DENND1B: variants seen among roughly 807,000 people sequenced by gnomAD.
DENND1B encodes the protein DENN domain-containing protein 1B.
Under a neutral mutation model 90.1 loss-of-function variants are expected in DENND1B, and 59 were observed. The ratio of observed to expected loss-of-function variants is 0.65; its 90% confidence interval spans 0.53 to 0.81. The LOEUF (loss-of-function observed/expected upper bound fraction) is 0.81, where lower values mean the gene tolerates loss of function less well. Among genes scored for constraint, DENND1B ranks in the 40% least tolerant of loss-of-function variants. DENND1B has a pLI of 0.00. For missense variants in DENND1B, 862 were observed against 912.6 expected (o/e 0.94, Z 0.71); for synonymous variants, 337 against 324.6 (o/e 1.04, Z -0.41).
chr1:197,740,913 T>G (rs1413898752), intron 2 of DENND1B, among the ~76,000 whole-genome samples: 2 of 152,208 alleles, frequency 1.3e-5, no homozygotes, highest in Non-Finnish European at 2.9e-5. Flanking sequence ...TCCAAATTTC[T>G]GTCCTACAAT....
chr1:197,624,462 A>C (rs1475779365), intron 10 of DENND1B, among the ~76,000 whole-genome samples: 1 of 151,664 alleles, frequency 6.6e-6, no homozygotes, highest in Non-Finnish European at 1.5e-5. Flanking sequence ...CAAAACTATA[A>C]AACTCCTAGA....
In DENND1B at chr1:197,651,434, T is replaced by A. The variant is rs1653156561; in HGVS notation, c.447+801A>T. On this transcript the variant is annotated intron_variant, in intron 7 of 22. Coordinates refer to ENST00000620048, the MANE Select transcript of DENND1B (RefSeq NM_001195215.2). ...TGTTGTCTGACAAACAAAAATTCAATCATATTTCCAGTATTTTGTGATTAT... is the reference window on the plus strand; with the variant it reads ...TGTTGTCTGACAAACAAAAATTCAAACATATTTCCAGTATTTTGTGATTAT... Among the ~76,000 whole-genome samples the A allele has an allele frequency of 2.6e-5, 4 of 152,114 alleles. No individual in the cohort carries two copies. The South Asian group carries it at 6.2e-4, about 24-fold the overall frequency.
chr1:197,721,854 A>G (rs931138934), intron 2 of DENND1B, among the ~76,000 whole-genome samples: 1 of 152,168 alleles, frequency 6.6e-6, no homozygotes, highest in Admixed American at 6.5e-5. Context: ...CCATATCCCA[A>G]TGAAAGAATT....
chr1:197,688,594 T>C (rs570340898), intron 3 of DENND1B, among the ~76,000 whole-genome samples: 154 of 152,086 alleles, frequency 1.0e-3, no homozygotes, highest in Non-Finnish European at 1.5e-3. Flanking sequence ...CAACAAACAC[T>C]TGGGAAAACT....
intron 10 of DENND1B, 126 bp from the exon 11 acceptor site, chr1:197,617,885 T>C (rs1677803961): frequency 1.5e-6 from 1 of 672,580 alleles, no homozygotes; most frequent in Non-Finnish European, 2.6e-6. Flanking sequence ...AATCACATTG[T>C]CTTTATCACT....
intron 3 of DENND1B, among the ~76,000 whole-genome samples, chr1:197,675,675 T>C (rs1287980935): frequency 6.6e-6 from 1 of 152,152 alleles, no homozygotes; most frequent in African/African-American, 2.4e-5. Context: ...ATTTGACCAT[T>C]GCTTAATCCT....
intron 2 of DENND1B, among the ~76,000 whole-genome samples, chr1:197,722,207 T>A (rs571498408): frequency 3.4e-4 from 51 of 152,140 alleles, no homozygotes; most frequent in Non-Finnish European, 6.2e-4. Context: ...TATTTACTTA[T>A]TTGGTATTTC....
At chr1:197,678,457 T>C (rs554122721) in intron 3 of DENND1B, among the ~76,000 whole-genome samples, 1 of 152,152 alleles carries the variant, frequency 6.6e-6, no homozygotes, top group Non-Finnish European at 1.5e-5. Context: ...TCTGAAAAGA[T>C]GATTACTTAA....
At chr1:197,648,679 T>C (rs1479843440) in intron 7 of DENND1B, among the ~76,000 whole-genome samples, 2 of 152,172 alleles carry the variant, frequency 1.3e-5, no homozygotes, top group African/African-American at 4.8e-5. Context: ...CCTTGGTCTT[T>C]CTATTGTATT....
chr1:197,699,588 G>A (rs115411019), intron 3 of DENND1B, among the ~76,000 whole-genome samples: 2 of 152,122 alleles, frequency 1.3e-5, no homozygotes, highest in Non-Finnish European at 2.9e-5. Context: ...GAAATAAAGG[G>A]AACTCAAATA....
chr1:197,565,882 T>C (rs1672610541), intron 15 of DENND1B, among the ~76,000 whole-genome samples: 1 of 146,144 alleles, frequency 6.8e-6, no homozygotes, highest in Admixed American at 6.9e-5. Context: ...CTTAATCCAG[T>C]CTATCATTGT....
intron 15 of DENND1B, among the ~76,000 whole-genome samples, chr1:197,578,284 G>T (rs1673877231): frequency 6.6e-6 from 1 of 152,020 alleles, no homozygotes; most frequent in South Asian, 2.1e-4. Flanking sequence ...TTGCTCTGTT[G>T]CCCAGGCTGG....
At chr1:197,538,007 A>G (rs967178546) in intron 20 of DENND1B, among the ~76,000 whole-genome samples, 1 of 152,126 alleles carries the variant, frequency 6.6e-6, no homozygotes, top group Non-Finnish European at 1.5e-5. Flanking sequence ...ATAAATTTAT[A>G]TAATTATAAA....
chr1:197,572,781 T>C (rs562974780), intron 15 of DENND1B, among the ~76,000 whole-genome samples: 3 of 152,186 alleles, frequency 2.0e-5, no homozygotes, highest in Admixed American at 6.5e-5. Context: ...AAACAGGCTC[T>C]GGAGTAGACC....
At chr1:197,562,443 T>A (rs1388357653) in intron 15 of DENND1B, among the ~76,000 whole-genome samples, 1 of 151,932 alleles carries the variant, frequency 6.6e-6, no homozygotes, top group Non-Finnish European at 1.5e-5. Context: ...TTCAAACTTT[T>A]TCATTATAAT....
intron 15 of DENND1B, among the ~76,000 whole-genome samples, chr1:197,576,820 T>C (rs182001143): frequency 6.6e-6 from 1 of 152,276 alleles, no homozygotes; most frequent in African/African-American, 2.4e-5. Flanking sequence ...AAAAGAGTTT[T>C]CCAATTTGAA....
chr1:197,743,440 T>A (rs1331757631), intron 2 of DENND1B, among the ~76,000 whole-genome samples: 1 of 152,210 alleles, frequency 6.6e-6, no homozygotes, highest in East Asian at 1.9e-4. Context: ...CTTTAAGAAA[T>A]GCTAACAATC....
At chr1:197,658,460 G>C in intron 5 of DENND1B, 91 bp from the exon 6 acceptor site, 1 of 883,710 alleles carries the variant, frequency 1.1e-6, no homozygotes, top group Non-Finnish European at 1.7e-6. Flanking sequence ...AATTCAAACA[G>C]GTTAATCCTG....
intron 2 of DENND1B, among the ~76,000 whole-genome samples, chr1:197,733,472 T>C (rs1313777086): frequency 6.6e-6 from 1 of 152,208 alleles, no homozygotes; most frequent in Non-Finnish European, 1.5e-5. Context: ...ACCCTTCACC[T>C]TCCAGGAAAG....
Sources: allele counts gnomAD v4.1 joint callset (sites outside exome capture counted in the v4.1 genomes callset), GRCh38; gene constraint gnomAD v4.1.1; transcripts MANE v1.5; gene names NCBI Gene and HGNC (gene_info 2026-07-23, HGNC 2026-07-21).